Variants in BIRC6 observed in about 807,000 individuals in gnomAD.
BIRC6 encodes the protein baculoviral IAP repeat containing 6.
A neutral mutation model predicts 503.3 loss-of-function variants in BIRC6; 98 were observed. That is an observed-to-expected ratio of 0.19 (90% CI 0.17 to 0.23). BIRC6 has a LOEUF of 0.23. Among genes scored for constraint, BIRC6 ranks in the 10% least tolerant of loss-of-function variants. The pLI, the probability that BIRC6 is intolerant of heterozygous loss-of-function variation, is 1.00. For missense variants in BIRC6, 5,360 were observed against 5,806.0 expected, an observed-to-expected ratio of 0.92 and a Z score of 2.50; for synonymous variants, 2,240 against 2,078.7, an observed-to-expected ratio of 1.08 and a Z score of -2.11.
chr2:32,470,861 AT>A (rs1163301607), intron 31 of BIRC6, among the ~76,000 whole-genome samples, 152 bp from the exon 32 acceptor site: 4 of 152,120 alleles, frequency 2.6e-5, no homozygotes, highest in African/African-American at 9.7e-5. Flanking sequence ...GTTGGTGTCT[AT>A]TTTTTAGACT....
At chr2:32,561,737 A>ATATTTATT (rs566569006) in intron 65 of BIRC6, among the ~76,000 whole-genome samples, 2 of 140,760 alleles carry the variant, frequency 1.4e-5, no homozygotes, top group African/African-American at 5.3e-5. Context: ...ATATATATAT[A>ATATTTATT]TATTTATTTA....
Position 32,453,812 on chromosome 2 carries a change from T to C in BIRC6, c.4623T>C (p.Asn1541=), listed in dbSNP as rs2046963768. 1 of 1,612,060 alleles carries C rather than the reference T, an allele frequency of 6.2e-7. No individual in the cohort carries two copies. Among genetic ancestry groups the C allele is most frequent in the Admixed American group, 1.7e-5 (1 of 59,506 alleles). The change falls in exon 23 of 74, where the codon AAT becomes AAC. Residue 1541 remains asparagine (N), a synonymous_variant. Transcript: ENST00000421745. ...AAACTTGTCTTTTGCCATTAGGAAA[T>C]GGAAAGGTCAGTAGTTGCACAGCTG... is the stretch of plus-strand genomic sequence containing the variant. ...EIDLSDVLSG[N]GKVSSCTAAE...
chr2:32,490,866 C>G (rs755295584), intron 43 of BIRC6, among the ~76,000 whole-genome samples: 1 of 151,966 alleles, frequency 6.6e-6, no homozygotes, highest in Non-Finnish European at 1.5e-5. Context: ...CTTTAAAATG[C>G]TATTATCTTT....
chr2:32,412,679 G>A (rs1477405230), intron 9 of BIRC6, among the ~76,000 whole-genome samples: 1 of 151,752 alleles, frequency 6.6e-6, no homozygotes, highest in South Asian at 2.1e-4. Context: ...CTAAACTGAG[G>A]TTAGAATTGT....
At position 32,575,222 on chromosome 2, in the gene BIRC6, C is replaced by G; in HGVS notation, c.13211C>G (p.Ser4404Cys). The G allele has an allele frequency of 6.2e-7, 1 of 1,614,018 alleles. No individual in the cohort carries two copies. The highest frequency in any genetic ancestry group is 8.5e-7 in the Non-Finnish European group (1 of 1,179,894). The change falls in exon 66 of 74, where the codon TCT becomes TGT. Residue 4404 changes from serine to cysteine, a missense_variant. Coordinates refer to ENST00000421745, the MANE Select transcript of BIRC6 (RefSeq NM_016252.4). Reference sequence around the variant, plus strand: ...CTGGAATTGCTTCGGGCCATTGCTTCTTGTGCTGCCATGGTGCCCCTATTG... The same window carrying G: ...CTGGAATTGCTTCGGGCCATTGCTTGTTGTGCTGCCATGGTGCCCCTATTG... ...ALLELLRAIA[S>C]CAAMVPLLLP... is the part of the protein sequence containing the mutation.
At chr2:32,457,489 T>C (rs1254205553) in intron 23 of BIRC6, among the ~76,000 whole-genome samples, 2 of 152,160 alleles carry the variant, frequency 1.3e-5, no homozygotes, top group Admixed American at 6.5e-5. Flanking sequence ...CTTTTAGTAA[T>C]TGTATCATTG....
intron 2 of BIRC6, chr2:32,379,404 A>G (rs918832777): frequency 4.6e-5 from 7 of 152,252 alleles, no homozygotes; most frequent in Non-Finnish European, 8.8e-5. Context: ...TTACAATAAA[A>G]TACTTGAACA....
Position 32,566,686 on chromosome 2 carries a change from T to C in BIRC6, c.13145-8470T>C, listed in dbSNP as rs957565970. 3.9e-5 allele frequency among the ~76,000 whole-genome samples: 6 copies of C among 152,196 alleles called. 1 individual carries two copies. Among genetic ancestry groups the C allele is most frequent in the Admixed American group, 2.0e-4 (3 of 15,278 alleles). On this transcript the variant is annotated intron_variant, in intron 65 of 73. Transcript: ENST00000421745. ...TTTTTAATTGACATTTTTATTCTGTTGTATATGCCCATTGTAAATATGATA... is the reference window on the plus strand; with the variant it reads ...TTTTTAATTGACATTTTTATTCTGTCGTATATGCCCATTGTAAATATGATA...
rs762086572 is a variant in BIRC6, at chr2:32,395,461, A to G, written c.952-50A>G. On this transcript the variant is annotated intron_variant, in intron 5 of 73. Coordinates refer to ENST00000421745, the MANE Select transcript of BIRC6 (RefSeq NM_016252.4). ...TAAAAATAACTTTTATTATAAAGCTATTTTAATAATGATTTACCTTTTCTG... is the reference window on the plus strand; with the variant it reads ...TAAAAATAACTTTTATTATAAAGCTGTTTTAATAATGATTTACCTTTTCTG... 5 of 1,356,104 alleles carry G rather than the reference A, an allele frequency of 3.7e-6. No individual in the cohort carries two copies. In the African/African-American group the frequency reaches 5.8e-5, roughly 16 times the overall value. The allele number at this position is 1,356,104 out of a possible 1,614,324, so 84.0% of individuals were successfully genotyped here.
intron 66 of BIRC6, among the ~76,000 whole-genome samples, chr2:32,586,880 A>G (rs185887694): frequency 2.0e-5 from 3 of 152,310 alleles, no homozygotes; most frequent in African/African-American, 4.8e-5. Context: ...ATAAATGAGA[A>G]AAACAAAGTT....
chr2:32,368,773 T>A (rs989004194), intron 1 of BIRC6, among the ~76,000 whole-genome samples: 2 of 151,998 alleles, frequency 1.3e-5, no homozygotes, highest in Admixed American at 6.6e-5. Flanking sequence ...TTCATCAGCC[T>A]CCTTAGCAGC....
At position 32,377,697 on chromosome 2, in the gene BIRC6, G is replaced by A. The variant is rs144501195; in HGVS notation, c.435G>A (p.Leu145=). ...GCRKDLNGIL[L]LDTALQTPVS... ...GGAAGGACCTTAATGGAATCTTGTT[G>A]TTAGACACTGCTCTGCAAACTCCAG... The change falls in exon 2 of 74, where the codon TTG becomes TTA. Residue 145 remains leucine, a synonymous_variant. Coordinates refer to ENST00000421745, the MANE Select transcript of BIRC6 (RefSeq NM_016252.4). The A allele has an allele frequency of 3.7e-5, 59 of 1,613,622 alleles. No individual in the cohort carries two copies. The highest frequency in any genetic ancestry group is 2.4e-4 in the South Asian group (22 of 91,076).
At chr2:32,521,562 A>G (rs192231703) in intron 57 of BIRC6, among the ~76,000 whole-genome samples, 5 of 151,342 alleles carry the variant, frequency 3.3e-5, no homozygotes, top group Non-Finnish European at 5.9e-5. Context: ...TCTGCCTCCC[A>G]GGTTCAAGCA....
intron 50 of BIRC6, among the ~76,000 whole-genome samples, chr2:32,506,920 G>A (rs1050485472): frequency 6.6e-6 from 1 of 152,072 alleles, no homozygotes. Context: ...TAACTTGACT[G>A]TCTAGTAATC....
chr2:32,588,790 A>G (rs1017482113), intron 66 of BIRC6, among the ~76,000 whole-genome samples: 4 of 152,232 alleles, frequency 2.6e-5, no homozygotes, highest in Non-Finnish European at 5.9e-5. Context: ...AAATCTGTAC[A>G]TACATATTGT....
At chr2:32,469,725 C>T (rs757520133) in intron 30 of BIRC6, 111 bp downstream of exon 30, 4 of 978,864 alleles carry the variant, frequency 4.1e-6, no homozygotes, top group Non-Finnish European at 6.2e-6. Context: ...GAATATGAAG[C>T]AGATCTCAGA....
chr2:32,583,734 AT>A (rs772571678), intron 66 of BIRC6, among the ~76,000 whole-genome samples: 3 of 151,880 alleles, frequency 2.0e-5, no homozygotes, highest in Admixed American at 6.6e-5. Context: ...ACGTATTGTA[AT>A]TTTTTTTCCC....
chr2:32,401,512 A>G lies in BIRC6; in HGVS notation c.1307A>G (p.Gln436Arg). 1 of 1,614,050 alleles carries G rather than the reference A, an allele frequency of 6.2e-7. No individual in the cohort carries two copies. Among genetic ancestry groups the G allele is most frequent in the Middle Eastern group, 1.6e-4 (1 of 6,062 alleles). ...INAYDPAIVQ[Q>R]LILSGDPSSG... ...GCCTATGATCCAGCAATTGTACAAC[A>G]GCTTATTCTATCAGGAGACCCAAGC... The change falls in exon 8 of 74, where the codon CAG (glutamine) becomes CGG (arginine). Residue 436 changes from glutamine (Q) to arginine (R), a missense_variant. By Grantham distance (43) the Gln-to-Arg change is conservative. Transcript: ENST00000421745.
intron 57 of BIRC6, chr2:32,522,583 G>T (rs2055842677): frequency 6.6e-6 from 1 of 152,008 alleles, no homozygotes; most frequent in Admixed American, 6.6e-5. Flanking sequence ...CTTTAAATAT[G>T]TACCTCATTA....
Sources: gnomAD v4.1 joint callset for allele counts (sites outside exome capture counted in the v4.1 genomes callset) on GRCh38, gnomAD v4.1.1 for gene constraint, MANE v1.5 for transcripts, NCBI Gene and HGNC (gene_info 2026-07-23, HGNC 2026-07-21) for gene names.